Variants in ZCRB1 observed in about 807,000 individuals in gnomAD.
The protein encoded by ZCRB1 is zinc finger CCHC-type and RNA binding motif containing 1.
Under a neutral mutation model 29.9 loss-of-function variants are expected in ZCRB1, and 21 were observed. The ratio of observed to expected loss-of-function variants is 0.70; its 90% CI spans 0.50 to 1.01. The LOEUF (loss-of-function observed/expected upper bound fraction) is 1.01, where lower values mean the gene tolerates loss of function less well. ZCRB1 is among the 50% of genes least tolerant of loss of function. ZCRB1 has a pLI of 0.00. For synonymous variants in ZCRB1, 77 were observed against 80.0 expected (o/e 0.96, Z 0.20); for missense variants, 204 against 253.3 (o/e 0.81, Z 1.32).
intron 5 of ZCRB1, among the ~76,000 whole-genome samples, chr12:42,315,531 T>C (rs1377349521): frequency 3.3e-5 from 5 of 151,880 alleles, no homozygotes; most frequent in Admixed American, 3.3e-4. Flanking sequence ...AATTAACATA[T>C]CCCATACTAA....
At position 42,317,446 on chromosome 12, in the gene ZCRB1, A is replaced by C; in HGVS notation, c.227T>G (p.Leu76Ter). The C allele has an allele frequency of 6.3e-7, 1 of 1,593,640 alleles. No homozygotes were observed. Among genetic ancestry groups the C allele is most frequent in the Non-Finnish European group, 8.5e-7 (1 of 1,171,712 alleles). ...GCTTGCTTTTATCACTCTACCAAAT[A>C]ACTAAACAAGAGAAAAATGTAAATG... ...NCTRAINNKQ[L>*]FGRVIKASIA... is the part of the protein sequence containing the mutation. The change falls in exon 5 of 8, where the codon TTA becomes TGA. Residue 76 changes from leucine to a stop codon, truncating the protein, a stop_gained and splice_region_variant. Coordinates refer to ENST00000266529, the MANE Select transcript of ZCRB1 (RefSeq NM_033114.4). LOFTEE classifies it high-confidence loss of function.
At chr12:42,322,782 T>C (rs1279615313) in intron 2 of ZCRB1, among the ~76,000 whole-genome samples, 1 of 152,208 alleles carries the variant, frequency 6.6e-6, no homozygotes, top group African/African-American at 2.4e-5. Context: ...TCCATCATAG[T>C]GCCAGATACA....
At position 42,313,737 on chromosome 12, in the gene ZCRB1, C is replaced by T; in HGVS notation, c.475G>A (p.Gly159Arg). 1.2e-6 allele frequency: 2 copies of T among 1,614,040 alleles called. No homozygotes were observed. The highest frequency in any genetic ancestry group is 1.7e-6 in the Non-Finnish European group (2 of 1,179,968). The change falls in exon 7 of 8, where the codon GGG becomes AGG. Residue 159 changes from glycine (G) to arginine (R), a missense_variant. By Grantham distance (125) the Gly-to-Arg change is moderately radical (BLOSUM62 -2). Coordinates refer to ENST00000266529, the MANE Select transcript of ZCRB1 (RefSeq NM_033114.4). Reference sequence around the variant, plus strand: ...AGGCTGTCAAGAGCAGGATCCTCCCCTTCATCTTCACTTTCTTCTACTTCC... The same window carrying T: ...AGGCTGTCAAGAGCAGGATCCTCCCTTTCATCTTCACTTTCTTCTACTTCC... ...IEEVEESEDE[G>R]EDPALDSLSQ...
intron 3 of ZCRB1, among the ~76,000 whole-genome samples, chr12:42,322,195 T>C (rs1286551825): frequency 6.6e-6 from 1 of 151,590 alleles, no homozygotes; most frequent in Admixed American, 6.6e-5. Flanking sequence ...GTATGTCAAA[T>C]TAAAAAAGAA....
At chr12:42,323,984 T>C (rs756665377) in intron 2 of ZCRB1, 35 bp downstream of exon 2, 4 of 1,546,160 alleles carry the variant, frequency 2.6e-6, no homozygotes, top group Admixed American at 1.7e-5. Context: ...GTTATCTGTA[T>C]CTCAAATAGC....
At chr12:42,323,346 C>A (rs2068630958) in intron 2 of ZCRB1, among the ~76,000 whole-genome samples, 1 of 152,096 alleles carries the variant, frequency 6.6e-6, no homozygotes. Flanking sequence ...GTATAAGGCA[C>A]CTCGAGTGGG....
chr12:42,313,661 TG>T, intron 7 of ZCRB1, 28 bp downstream of exon 7: 1 of 1,607,378 alleles, frequency 6.2e-7, no homozygotes, highest in Non-Finnish European at 8.5e-7. Flanking sequence ...AACTATTGTA[TG>T]ATGCCTTTTA....
chr12:42,322,423 A>C lies in ZCRB1; in HGVS notation c.108T>G (p.Val36=). 2 of 1,489,780 alleles carry C rather than the reference A, an allele frequency of 1.3e-6. No individual in the cohort carries two copies. The highest frequency in any genetic ancestry group is 9.1e-7 in the Non-Finnish European group (1 of 1,103,496). The allele number at this position is 1,489,780 out of a possible 1,614,324, so 92.3% of individuals were successfully genotyped here. Residue 36 remains valine, a synonymous_variant, in exon 3 of 8, where the codon GTT becomes GTG. Coordinates refer to ENST00000266529, the MANE Select transcript of ZCRB1 (RefSeq NM_033114.4). ...AATTTAATGTGAATACTTACTTTAC[A>C]ACTTTGCCATACTTGGAAAATATCT... ...LYRIFSKYGK[V]VKVTIMKDKD... is the part of the protein sequence containing the mutation.
At chr12:42,318,057 G>A (rs576162100) in intron 3 of ZCRB1, among the ~76,000 whole-genome samples, 159 bp from the exon 4 acceptor site, 3 of 152,260 alleles carry the variant, frequency 2.0e-5, no homozygotes, top group African/African-American at 7.2e-5. Context: ...ATCAAGAATG[G>A]AAATGGGAAA....
intron 7 of ZCRB1, 145 bp downstream of exon 7, chr12:42,313,545 G>T (rs2068579382): frequency 1.2e-5 from 10 of 842,588 alleles, no homozygotes; most frequent in African/African-American, 1.7e-5. Context: ...CACTGGCTAA[G>T]TACCTCAGAG....
chr12:42,320,692 C>T (rs879494826), intron 3 of ZCRB1, among the ~76,000 whole-genome samples: 1 of 152,092 alleles, frequency 6.6e-6, no homozygotes, highest in Non-Finnish European at 1.5e-5. Flanking sequence ...TCAAGTGATC[C>T]TCCCACATCG....
intron 1 of ZCRB1, chr12:42,325,283 T>C (rs1592108807): frequency 2.0e-5 from 3 of 152,256 alleles, no homozygotes; most frequent in African/African-American, 7.2e-5. Flanking sequence ...TCTGGAGTGG[T>C]GTGTTAAGAG....
At chr12:42,315,640 T>C (rs2068591217) in intron 5 of ZCRB1, among the ~76,000 whole-genome samples, 1 of 152,030 alleles carries the variant, frequency 6.6e-6, no homozygotes, top group Non-Finnish European at 1.5e-5. Context: ...ATGTAAAAAA[T>C]ATAACAACTC....
intron 3 of ZCRB1, among the ~76,000 whole-genome samples, chr12:42,320,461 C>T (rs561382495): frequency 1.3e-5 from 2 of 151,792 alleles, no homozygotes; most frequent in East Asian, 1.9e-4. Context: ...CTTTTTTTTG[C>T]GATGGGGTCT....
chr12:42,317,908 T>C lies in ZCRB1; in HGVS notation c.114-10A>G. ...TTTCATGATGGTAACCCTTAAAGCA[T>C]AAACAAAGAGTTAAAAATGAGGCAG... is the stretch of plus-strand genomic sequence containing the variant. On this transcript the variant is annotated splice_polypyrimidine_tract_variant and intron_variant, in intron 3 of 7. Transcript: ENST00000266529. The C allele has an allele frequency of 1.9e-6, 3 of 1,598,456 alleles. No homozygotes were observed. Among genetic ancestry groups the C allele is most frequent in the Non-Finnish European group, 2.6e-6 (3 of 1,171,940 alleles).
chr12:42,319,447 T>C (rs2068610673), intron 3 of ZCRB1, among the ~76,000 whole-genome samples: 1 of 152,200 alleles, frequency 6.6e-6, no homozygotes, highest in African/African-American at 2.4e-5. Context: ...TCCTTCATCT[T>C]TCACTGCTCC....
Position 42,312,461 on chromosome 12 carries a change from T to C in ZCRB1, c.*606A>G, listed in dbSNP as rs1183066450. 2.0e-5 allele frequency: 3 copies of C among 152,180 alleles called. No individual in the cohort carries two copies. Among genetic ancestry groups the C allele is most frequent in the Admixed American group, 6.5e-5 (1 of 15,274 alleles). The allele number at this position is 152,180 out of a possible 1,614,324, so 9.4% of individuals were successfully genotyped here. On this transcript the variant is annotated 3_prime_UTR_variant, in exon 8 of 8. Transcript: ENST00000266529. ...CCCCCAAATTTTTAATACAGCCACA[T>C]TGGGAATATTGAGGAAGGTAGGAGA...
chr12:42,321,587 G>A (rs540861544), intron 3 of ZCRB1, among the ~76,000 whole-genome samples: 283 of 152,256 alleles, frequency 1.9e-3, no homozygotes, highest in Non-Finnish European at 3.5e-3. Flanking sequence ...AATTTACACA[G>A]AAGCATTTTT....
chr12:42,313,701 T>C lies in ZCRB1; in HGVS notation c.511A>G (p.Ile171Val), dbSNP rs2068580064. Reference protein sequence around the residue: ...DPALDSLSQAIAFQQAKIEEE... With the variant: ...DPALDSLSQAVAFQQAKIEEE... ...GAACAATTTAATACCTGGAATGCTA[T>C]GGCCTGACTGAGGCTGTCAAGAGCA... Residue 171 changes from isoleucine to valine, a missense_variant, in exon 7 of 8, where the codon ATA (isoleucine) becomes GTA (valine). Transcript: ENST00000266529. 6.2e-7 allele frequency: 1 copy of C among 1,613,782 alleles called. No individual in the cohort carries two copies. Among genetic ancestry groups the C allele is most frequent in the East Asian group, 2.2e-5 (1 of 44,874 alleles).
Sources: gnomAD v4.1 joint callset for allele counts (sites outside exome capture counted in the v4.1 genomes callset) on GRCh38, gnomAD v4.1.1 for gene constraint, MANE v1.5 for transcripts, NCBI Gene and HGNC (gene_info 2026-07-23, HGNC 2026-07-21) for gene names.